WDR64: variants seen among roughly 807,000 people sequenced by gnomAD.
WDR64 encodes the protein WD repeat-containing protein 64.
A neutral mutation model predicts 139.3 loss-of-function variants in WDR64; 112 were observed. That is an observed-to-expected ratio of 0.80 (90% CI 0.69 to 0.94). WDR64 has a LOEUF of 0.94. Ranked by LOEUF, WDR64 falls within the 40% of genes least tolerant of loss-of-function variation. The probability of loss-of-function intolerance (pLI) is 0.00; values close to 1 mark genes in which losing one functional copy is unlikely to be tolerated. For synonymous variants in WDR64, 444 were observed against 437.7 expected (o/e 1.01, Z -0.18); for missense variants, 1,206 against 1,293.1 (o/e 0.93, Z 1.03).
intron 3 of WDR64, 139 bp downstream of exon 3, chr1:241,671,315 G>A: frequency 1.6e-6 from 1 of 623,498 alleles, no homozygotes. Flanking sequence ...CGGGGGTGGT[G>A]AGAGTTTCAT....
chr1:241,694,485 A>C (rs1035958115), intron 8 of WDR64, among the ~76,000 whole-genome samples: 76 of 146,798 alleles, frequency 5.2e-4, no homozygotes, highest in African/African-American at 2.1e-3. Context: ...TAGTTTCTGT[A>C]ATATAATTAA....
chr1:241,792,504 C>A (rs1659240049), intron 25 of WDR64, among the ~76,000 whole-genome samples: 1 of 151,430 alleles, frequency 6.6e-6, no homozygotes, highest in African/African-American at 2.4e-5. Context: ...CCACTGCACT[C>A]CAACCTTGGC....
At chr1:241,707,722 G>T (rs1048924714) in intron 8 of WDR64, among the ~76,000 whole-genome samples, 1 of 152,168 alleles carries the variant, frequency 6.6e-6, no homozygotes, top group Non-Finnish European at 1.5e-5. Flanking sequence ...ATCCACAAAG[G>T]CTGCACAGTT....
rs191249955 is a variant in WDR64, at chr1:241,678,912, T to G, written c.514-573T>G. Among the ~76,000 whole-genome samples, 358 of 144,796 alleles carry G rather than the reference T, an allele frequency of 2.5e-3. 2 individuals carry two copies. Among genetic ancestry groups the G allele is most frequent in the South Asian group, 0.015 (69 of 4,470 alleles). The allele number at this position is 144,796 out of a possible 152,430, so 95.0% of individuals were successfully genotyped here. A position where few individuals can be genotyped will look rare whatever the true frequency, so the allele number is the denominator to read the frequency against. The stretch of plus-strand genomic sequence containing the variant: ...AGCCAACACTGGAATTTCTAACAGG[T>G]TTTACAGAAAGTTAGAGGCCATGCC... On this transcript the variant is annotated intron_variant, in intron 5 of 27. Transcript: ENST00000437684.
intron 16 of WDR64, among the ~76,000 whole-genome samples, chr1:241,768,905 G>A (rs781146625): frequency 3.3e-5 from 5 of 151,828 alleles, no homozygotes; most frequent in Middle Eastern, 3.4e-3. Context: ...GCTCTTTAAG[G>A]GTAATAATAT....
At chr1:241,767,530 T>TA (rs1186465200) in intron 16 of WDR64, among the ~76,000 whole-genome samples, 1 of 151,980 alleles carries the variant, frequency 6.6e-6, no homozygotes, top group Non-Finnish European at 1.5e-5. Context: ...ACCTTAATAA[T>TA]AAATGAAAAT....
At position 241,674,659 on chromosome 1, in the gene WDR64, A is replaced by G. The variant is rs896021846; in HGVS notation, c.395A>G (p.Asp132Gly). 6.5e-7 allele frequency: 1 copy of G among 1,548,056 alleles called. No individual in the cohort carries two copies. The highest frequency in any genetic ancestry group is 1.4e-5 in the African/African-American group (1 of 72,874). ...RILISGSRRR[D>G]VIKSIVKIPH... is the part of the protein sequence containing the mutation. ...CTGTTGACAGGTAGTAGAAGACGAGATGTGATTAAGAGCATTGTCAAGATA... is the reference window on the plus strand; with the variant it reads ...CTGTTGACAGGTAGTAGAAGACGAGGTGTGATTAAGAGCATTGTCAAGATA... The change falls in exon 4 of 28, where the codon GAT becomes GGT. Residue 132 changes from aspartate (D) to glycine (G), a missense_variant. Coordinates refer to ENST00000437684, the MANE Select transcript of WDR64 (RefSeq NM_001367482.1).
chr1:241,739,694 A>T (rs935691969), intron 11 of WDR64, among the ~76,000 whole-genome samples: 5 of 152,236 alleles, frequency 3.3e-5, no homozygotes, highest in African/African-American at 1.2e-4. Context: ...CAAAGAAGAA[A>T]AAGAAAAAGA....
intron 8 of WDR64, among the ~76,000 whole-genome samples, chr1:241,690,320 A>G (rs1221829466): frequency 6.6e-6 from 1 of 152,040 alleles, no homozygotes; most frequent in Non-Finnish European, 1.5e-5. Flanking sequence ...AAAATACAAA[A>G]ATTAGCTGGG....
intron 23 of WDR64, among the ~76,000 whole-genome samples, chr1:241,787,387 G>A (rs941599854): frequency 1.7e-4 from 26 of 148,692 alleles, no homozygotes; most frequent in East Asian, 1.2e-3. Flanking sequence ...AATGTTGGCC[G>A]GACATGGTGG....
intron 11 of WDR64, 99 bp from the exon 12 acceptor site, chr1:241,741,417 A>T: frequency 1.0e-6 from 1 of 968,072 alleles, no homozygotes; most frequent in Non-Finnish European, 1.5e-6. Context: ...TGCTAATCTC[A>T]CTGTTTGGCT....
chr1:241,741,676 T>C lies in WDR64; in HGVS notation c.1470+12T>C, dbSNP rs534204798. On this transcript the variant is annotated intron_variant, in intron 12 of 27. Transcript: ENST00000437684. ...AATCCATAATTAGGGTAAGTACCTA[T>C]TGGCTTTTCAAACAGAAAAAAAGGC... 3.8e-6 allele frequency: 6 copies of C among 1,571,962 alleles called. No homozygotes were observed. The highest frequency in any genetic ancestry group is 2.0e-5 in the Admixed American group (1 of 49,628).
At chr1:241,657,333 A>T (rs1161524652) in intron 1 of WDR64, among the ~76,000 whole-genome samples, 1 of 152,012 alleles carries the variant, frequency 6.6e-6, no homozygotes, top group Non-Finnish European at 1.5e-5. Context: ...GTGCTTTAAA[A>T]TTTTTTAAGG....
chr1:241,765,580 T>C (rs1388007898), intron 15 of WDR64, among the ~76,000 whole-genome samples: 1 of 152,134 alleles, frequency 6.6e-6, no homozygotes, highest in Non-Finnish European at 1.5e-5. Flanking sequence ...TAATTGACAG[T>C]GGTAATAGAC....
At chr1:241,666,861 G>A (rs1255748668) in intron 2 of WDR64, among the ~76,000 whole-genome samples, 2 of 152,092 alleles carry the variant, frequency 1.3e-5, no homozygotes, top group East Asian at 1.9e-4. Flanking sequence ...TTTTACACAC[G>A]GGAAAGACTC....
intron 9 of WDR64, 23 bp downstream of exon 9, chr1:241,711,904 A>T: frequency 6.2e-7 from 1 of 1,611,472 alleles, no homozygotes; most frequent in Non-Finnish European, 8.5e-7. Flanking sequence ...TTCACATTAC[A>T]TAGGGGTTTT....
intron 8 of WDR64, 21 bp downstream of exon 8, chr1:241,687,616 A>G (rs1376305568): frequency 6.9e-6 from 11 of 1,589,212 alleles, no homozygotes; most frequent in Non-Finnish European, 9.4e-6. Context: ...TAATTTATAT[A>G]CATGAACAGT....
At chr1:241,791,675 GA>G (rs150419559) in intron 25 of WDR64, among the ~76,000 whole-genome samples, 21,988 of 146,866 alleles carry the variant, frequency 0.15, 1,974 homozygotes, top group Middle Eastern at 0.31. Flanking sequence ...CTGTCTGGGG[GA>G]AAAAAAAAAA....
intron 8 of WDR64, among the ~76,000 whole-genome samples, chr1:241,705,349 G>A (rs969564850): frequency 1.6e-4 from 25 of 151,786 alleles, no homozygotes; most frequent in African/African-American, 2.7e-4. Context: ...AGACCATCCC[G>A]GCTAACACGG....
Sources: allele counts gnomAD v4.1 joint callset (sites outside exome capture counted in the v4.1 genomes callset), GRCh38; gene constraint gnomAD v4.1.1; transcripts MANE v1.5; gene names NCBI Gene and HGNC (gene_info 2026-07-23, HGNC 2026-07-21).